The following SLC44A5 variants were observed in gnomAD, a reference collection of about 807,000 sequenced individuals.
SLC44A5 encodes solute carrier family 44 member 5.
SLC44A5 carries 57 observed loss-of-function variants against 101.8 expected under a neutral mutation model. The observed-to-expected ratio is 0.56, with a 90% confidence interval of 0.45 to 0.70. SLC44A5 has a LOEUF of 0.70. Among genes scored for constraint, SLC44A5 ranks in the 30% least tolerant of loss-of-function variants. SLC44A5 has a pLI of 0.00. For synonymous variants in SLC44A5, 281 were observed against 290.9 expected (o/e 0.97, Z 0.35); for missense variants, 737 against 853.1 (o/e 0.86, Z 1.70).
rs967653741 is a variant in SLC44A5 at position 75,324,894 on chromosome 1, G to C, written c.101+14688C>G. On this transcript the variant is annotated intron_variant, in intron 4 of 23. Coordinates refer to ENST00000370859, the MANE Select transcript of SLC44A5 (RefSeq NM_001130058.2). ...CAAAGAATAACAACAACAAGGAAAA[G>C]AAATATAGACCCAATGAACAATGAA... is the stretch of plus-strand genomic sequence containing the variant. Among the ~76,000 whole-genome samples the C allele has an allele frequency of 2.0e-5, 3 of 152,216 alleles. No individual in the cohort carries two copies. The East Asian group carries it at 5.8e-4, about 29-fold the overall frequency.
At chr1:75,678,237 G>T in the SLC44A5 span, among the ~76,000 whole-genome samples, 1 of 152,196 alleles carries the variant, frequency 6.6e-6, no homozygotes, top group African/African-American at 2.4e-5. Context: ...CAGCAGGGAA[G>T]CTCGAACTGG....
chr1:75,406,001 T>G lies in SLC44A5; in HGVS notation c.14-9380A>C, dbSNP rs1662835641. 2.0e-5 allele frequency among the ~76,000 whole-genome samples: 3 copies of G among 150,838 alleles called. No homozygotes were observed. The South Asian group carries it at 6.3e-4, about 32-fold the overall frequency. On this transcript the variant is annotated intron_variant, in intron 2 of 23. Coordinates refer to ENST00000370859, the MANE Select transcript of SLC44A5 (RefSeq NM_001130058.2). ...AAGAAAAAAAGAAAGAAGAATTAAA[T>G]AGATGCAATAAAAAATGATAGAGGG...
In SLC44A5 at chr1:75,213,797, C is replaced by T. The variant is rs760478728; in HGVS notation, c.1874-4G>A. ...AAGAATAGGAAGGCCAGAACACCTACATTGAAAAGGTAGAACATGTATATT... is the reference window on the plus strand; with the variant it reads ...AAGAATAGGAAGGCCAGAACACCTATATTGAAAAGGTAGAACATGTATATT... On this transcript the variant is annotated splice_region_variant and splice_polypyrimidine_tract_variant and intron_variant, in intron 21 of 23. Transcript: ENST00000370859. 3.7e-6 allele frequency: 6 copies of T among 1,605,826 alleles called. No homozygotes were observed. The South Asian group carries it at 6.6e-5, about 18-fold the overall frequency.
In SLC44A5 at chr1:75,242,009, C is replaced by A; in HGVS notation, c.524G>T (p.Ser175Ile). The A allele has an allele frequency of 1.2e-6, 2 of 1,611,852 alleles. No homozygotes were observed. Among genetic ancestry groups the A allele is most frequent in the Non-Finnish European group, 1.7e-6 (2 of 1,178,548 alleles). ...DDDCPTAIFP[S>I]KPFLQRCFPD... ...AAATAGTTGCCACTTACAAGGTTTG[C>A]TGGGAAAAATCGCTGTTGGACAATC... The change falls in exon 9 of 24, where the codon AGC becomes ATC. Residue 175 changes from serine (S) to isoleucine (I), a missense_variant. By Grantham distance (142) the Ser-to-Ile change is moderately radical. Coordinates refer to ENST00000370859, the MANE Select transcript of SLC44A5 (RefSeq NM_001130058.2).
intron 2 of SLC44A5, among the ~76,000 whole-genome samples, chr1:75,441,481 TA>T (rs1665193845): frequency 6.8e-6 from 1 of 146,126 alleles, no homozygotes; most frequent in East Asian, 2.0e-4. Flanking sequence ...AAGCAAGATT[TA>T]AAAAAAGTCA....
At chr1:75,664,805 C>T in the SLC44A5 span, among the ~76,000 whole-genome samples, 6 of 151,720 alleles carry the variant, frequency 4.0e-5, no homozygotes, top group African/African-American at 1.2e-4. Context: ...CCTGTAGTCC[C>T]AGCTACTCAG....
intron 3 of SLC44A5, among the ~76,000 whole-genome samples, chr1:75,356,480 T>C (rs543641680): frequency 6.6e-6 from 1 of 152,078 alleles, no homozygotes; most frequent in Non-Finnish European, 1.5e-5. Context: ...AGAAAATTTT[T>C]TTGTACAGCT....
At chr1:75,383,873 C>T (rs1285179340) in intron 3 of SLC44A5, among the ~76,000 whole-genome samples, 3 of 152,076 alleles carry the variant, frequency 2.0e-5, no homozygotes, top group Non-Finnish European at 4.4e-5. Flanking sequence ...AGAAACCCTA[C>T]AAGCCAGGAG....
intron 12 of SLC44A5, among the ~76,000 whole-genome samples, chr1:75,233,694 C>CTTT (rs1418562121): frequency 4.6e-5 from 7 of 152,216 alleles, no homozygotes; most frequent in African/African-American, 1.7e-4. Context: ...TTTCATTAAT[C>CTTT]TAAAAGGATT....
chr1:75,298,603 C>CTT (rs1453983749), intron 5 of SLC44A5, among the ~76,000 whole-genome samples: 2 of 151,986 alleles, frequency 1.3e-5, no homozygotes, highest in Non-Finnish European at 2.9e-5. Flanking sequence ...CTGTGGACTA[C>CTT]ATTAGACTGG....
At chr1:75,324,357 T>C (rs1165595751) in intron 4 of SLC44A5, among the ~76,000 whole-genome samples, 1 of 152,170 alleles carries the variant, frequency 6.6e-6, no homozygotes, top group Non-Finnish European at 1.5e-5. Context: ...AAGAAATAAT[T>C]CTTTCAACTA....
At chr1:75,486,152 C>T (rs1172332548) in intron 2 of SLC44A5, among the ~76,000 whole-genome samples, 1 of 152,154 alleles carries the variant, frequency 6.6e-6, no homozygotes, top group African/African-American at 2.4e-5. Context: ...TATGGTATTT[C>T]TCCTACAAAG....
At chr1:75,269,519 T>G in intron 6 of SLC44A5, among the ~76,000 whole-genome samples, 1 of 152,040 alleles carries the variant, frequency 6.6e-6, no homozygotes, top group East Asian at 2.0e-4. Context: ...CTTCTGTTAC[T>G]TCTATGGTTT....
intron 5 of SLC44A5, among the ~76,000 whole-genome samples, chr1:75,286,503 A>C (rs1181486987): frequency 1.3e-5 from 2 of 152,226 alleles, no homozygotes; most frequent in East Asian, 3.9e-4. Flanking sequence ...GTACTATTCT[A>C]TTCATCATGA....
chr1:75,390,052 A>G (rs567230762), intron 3 of SLC44A5, among the ~76,000 whole-genome samples: 3 of 152,146 alleles, frequency 2.0e-5, no homozygotes, highest in Non-Finnish European at 4.4e-5. Context: ...CTATCTAAAC[A>G]AACTAAAAAA....
the SLC44A5 span, among the ~76,000 whole-genome samples, chr1:75,662,993 G>A: frequency 6.6e-6 from 1 of 152,064 alleles, no homozygotes; most frequent in Non-Finnish European, 1.5e-5. Flanking sequence ...TTTATACAAA[G>A]ATTAGTTCCC....
At chr1:75,722,382 G>A in the SLC44A5 span, among the ~76,000 whole-genome samples, 2 of 152,168 alleles carry the variant, frequency 1.3e-5, no homozygotes, top group Non-Finnish European at 2.9e-5. Flanking sequence ...GAAACAATGA[G>A]GTTCGTGATC....
chr1:75,477,345 C>T (rs999484447), intron 2 of SLC44A5, among the ~76,000 whole-genome samples: 6 of 152,306 alleles, frequency 3.9e-5, no homozygotes, highest in South Asian at 4.1e-4. Context: ...AGAAGCAGAG[C>T]GCCTCTCCTC....
At chr1:75,358,374 A>C (rs1183750995) in intron 3 of SLC44A5, among the ~76,000 whole-genome samples, 2 of 152,208 alleles carry the variant, frequency 1.3e-5, no homozygotes, top group Non-Finnish European at 2.9e-5. Context: ...TATATATTTA[A>C]GACTCAATTT....
Sources: allele counts gnomAD v4.1 joint callset (sites outside exome capture counted in the v4.1 genomes callset), GRCh38; gene constraint gnomAD v4.1.1; transcripts MANE v1.5; gene names NCBI Gene and HGNC (gene_info 2026-07-23, HGNC 2026-07-21).